ZNF479: variants seen among roughly 807,000 people sequenced by gnomAD.
ZNF479 encodes KRAB zinc finger protein KR19.
Under a neutral mutation model 14.7 loss-of-function variants are expected in ZNF479, and 15 were observed. The ratio of observed to expected loss-of-function variants is 1.02; its 90% confidence interval spans 0.68 to 1.57. The LOEUF is 1.57. Ranked by LOEUF, ZNF479 falls within the 40% of genes most tolerant of loss-of-function variation. The pLI is 0.00. For missense variants in ZNF479, 506 were observed against 615.1 expected (o/e 0.82, Z 1.88); for synonymous variants, 145 against 211.5 (o/e 0.69, Z 2.73).
upstream of ZNF479, among the ~76,000 whole-genome samples, chr7:57,136,864 T>G (rs887779793): frequency 3.3e-5 from 5 of 152,238 alleles, no homozygotes; most frequent in African/African-American, 1.2e-4. Context: ...TTTGTAAAAC[T>G]GCTTGCCACC....
Position 57,119,418 on chromosome 7 carries a change from G to A in ZNF479, c.*422C>T, listed in dbSNP as rs1231909063. 6.7e-6 allele frequency among the ~76,000 whole-genome samples: 1 copy of A among 149,442 alleles called. No individual in the cohort carries two copies. On this transcript the variant is annotated 3_prime_UTR_variant, in exon 4 of 4. Transcript: ENST00000319636. ...AGGTCAGGAGTTCAAGACCATCCTG[G>A]CCAACATGGTGAAACTCTATCTCTA...
At chr7:57,139,227 G>T (rs183502115) in intron 1 of ZNF479, among the ~76,000 whole-genome samples, 1 of 152,202 alleles carries the variant, frequency 6.6e-6, no homozygotes, top group African/African-American at 2.4e-5. Flanking sequence ...TCCTTACAAC[G>T]TCCTCAATCT....
intron 3 of ZNF479, among the ~76,000 whole-genome samples, chr7:57,123,074 T>A (rs528930217): frequency 6.6e-6 from 1 of 152,304 alleles, no homozygotes; most frequent in Non-Finnish European, 1.5e-5. Context: ...TCAGACTGGG[T>A]AATTCATAAA....
At chr7:57,135,973 A>ATCTCTCTCTC (rs57853604), upstream of ZNF479, among the ~76,000 whole-genome samples, 415 of 125,262 alleles carry the variant, frequency 3.3e-3, 11 homozygotes, top group Middle Eastern at 8.5e-3. Context: ...CTCTCTCTCA[A>ATCTCTCTCTC]TCTCTCTCTC....
intron 1 of ZNF479, chr7:57,127,448 G>T (rs1252652393): frequency 4.6e-6 from 3 of 657,822 alleles, no homozygotes; most frequent in Non-Finnish European, 5.7e-6. Flanking sequence ...ATAAACTAAA[G>T]ATCTTGTGAG....
upstream of ZNF479, among the ~76,000 whole-genome samples, chr7:57,136,319 G>A (rs1786653243): frequency 6.6e-6 from 1 of 152,028 alleles, no homozygotes; most frequent in African/African-American, 2.4e-5. Context: ...GGGAGGCAGA[G>A]GTTGCAGTGA....
chr7:57,139,742 G>A (rs1458936131), exon 1 of ZNF479: 2 of 152,220 alleles, frequency 1.3e-5, no homozygotes, highest in Non-Finnish European at 2.9e-5. Flanking sequence ...AGTTGGGATT[G>A]TGACATATCA....
chr7:57,138,692 G>A (rs1786752220), intron 1 of ZNF479, among the ~76,000 whole-genome samples: 1 of 152,182 alleles, frequency 6.6e-6, no homozygotes, highest in East Asian at 1.9e-4. Flanking sequence ...CCACACACAT[G>A]CATGTTGTGT....
chr7:57,121,214 C>A (rs1785932210), intron 3 of ZNF479, 62 bp from the exon 4 acceptor site: 3 of 1,604,914 alleles, frequency 1.9e-6, no homozygotes, highest in Admixed American at 1.7e-5. Flanking sequence ...ATATTCTACA[C>A]ATGAAATATA....
chr7:57,135,720 T>C (rs757404764), upstream of ZNF479, among the ~76,000 whole-genome samples: 4 of 152,096 alleles, frequency 2.6e-5, no homozygotes, highest in Non-Finnish European at 5.9e-5. Flanking sequence ...GACTTGTCTT[T>C]GTATTAATTT....
rs1785808401 is a variant in ZNF479 at position 57,119,539 on chromosome 7, A to G, written c.*301T>C. The G allele has an allele frequency of 7.1e-6, 2 of 282,646 alleles. No homozygotes were observed. The highest frequency in any genetic ancestry group is 1.3e-5 in the Non-Finnish European group (2 of 148,536). 17.5% of individuals were successfully genotyped at this position (282,646 alleles called of 1,614,324 possible). A position where few individuals can be genotyped will look rare whatever the true frequency, so the allele number is the denominator to read the frequency against. On this transcript the variant is annotated 3_prime_UTR_variant, in exon 4 of 4. Transcript: ENST00000319636. ...GGAGAATCGCTTGAACCCGGAAGGC[A>G]GAGGTTACAGTGAGCTGAGATCATG...
intron 3 of ZNF479, among the ~76,000 whole-genome samples, chr7:57,124,732 CA>C (rs1786083407): frequency 6.7e-6 from 1 of 150,310 alleles, no homozygotes; most frequent in Admixed American, 6.6e-5. Context: ...TGAGAATACA[CA>C]AACTACTCCT....
upstream of ZNF479, among the ~76,000 whole-genome samples, chr7:57,135,557 C>A (rs1387090907): frequency 6.6e-6 from 1 of 152,032 alleles, no homozygotes. Flanking sequence ...GGATTACAGG[C>A]GCCCACCACC....
At chr7:57,136,505 C>A (rs1285098769), upstream of ZNF479, among the ~76,000 whole-genome samples, 2 of 152,176 alleles carry the variant, frequency 1.3e-5, no homozygotes, top group Non-Finnish European at 2.9e-5. Context: ...GACCTTGTAG[C>A]CATGTGGCAG....
At chr7:57,127,447 A>C (rs1182671685) in intron 1 of ZNF479, 1 of 655,522 alleles carries the variant, frequency 1.5e-6, no homozygotes, top group Admixed American at 6.3e-5. Context: ...AATAAACTAA[A>C]GATCTTGTGA....
Position 57,120,623 on chromosome 7 carries a change from A to G in ZNF479, c.792T>C (p.Thr264=). The change falls in exon 4 of 4, where the codon ACT becomes ACC. Residue 264 remains threonine, a synonymous_variant. Transcript: ENST00000319636. ...CTTCACACGTGTAGGGTTTCTCTCC[A>G]GTATGAGTTCTCTTATGTCTAGTAA... ...ANLTRHKRTH[T]GEKPYTCEEC... is the part of the protein sequence containing the mutation. 4 of 1,613,952 alleles carry G rather than the reference A, an allele frequency of 2.5e-6. No individual in the cohort carries two copies. The highest frequency in any genetic ancestry group is 3.4e-6 in the Non-Finnish European group (4 of 1,179,878).
chr7:57,137,274 T>A (rs1786692805), upstream of ZNF479, among the ~76,000 whole-genome samples: 1 of 152,168 alleles, frequency 6.6e-6, no homozygotes, highest in Non-Finnish European at 1.5e-5. Context: ...TAGCTGGGAT[T>A]ACAGGCATCC....
At chr7:57,135,973 ATCTCTCTCTCTCTCTCTC>A (rs57853604), upstream of ZNF479, among the ~76,000 whole-genome samples, 45 of 125,318 alleles carry the variant, frequency 3.6e-4, no homozygotes, top group Admixed American at 1.9e-3. Flanking sequence ...CTCTCTCTCA[ATCTCTCTCTCTCTCTCTC>A]TCTCTCTCTC....
upstream of ZNF479, among the ~76,000 whole-genome samples, chr7:57,136,708 T>A (rs1188986663): frequency 2.0e-5 from 3 of 152,184 alleles, no homozygotes; most frequent in Non-Finnish European, 4.4e-5. Flanking sequence ...TGTCTCACAG[T>A]GGCAGCCCGG....
Sources: allele counts gnomAD v4.1 joint callset (sites outside exome capture counted in the v4.1 genomes callset), GRCh38; gene constraint gnomAD v4.1.1; transcripts MANE v1.5; gene names NCBI Gene and HGNC (gene_info 2026-07-23, HGNC 2026-07-21).